The following CDH13 variants were observed in gnomAD, a reference collection of about 807,000 sequenced individuals.
CDH13 encodes the protein cadherin 13, also known as cadherin-13.
CDH13 carries 24 observed loss-of-function variants against 63.8 expected under a neutral mutation model. The ratio of observed to expected loss-of-function variants is 0.38; its 90% confidence interval spans 0.27 to 0.53. The LOEUF is 0.53. Ranked by LOEUF, CDH13 falls within the 20% of genes least tolerant of loss-of-function variation. The pLI, the probability that CDH13 is intolerant of heterozygous loss-of-function variation, is 0.85. For missense variants in CDH13, 1,049 were observed against 903.1 expected (o/e 1.16, Z -2.07); for synonymous variants, 503 against 355.3 (o/e 1.42, Z -4.67).
chr16:83,648,265 A>C (rs1912026978), intron 8 of CDH13, among the ~76,000 whole-genome samples: 1 of 152,136 alleles, frequency 6.6e-6, no homozygotes, highest in African/African-American at 2.4e-5. Flanking sequence ...ATGCAAGAAC[A>C]AGCCAGTGGG....
intron 6 of CDH13, among the ~76,000 whole-genome samples, chr16:83,405,631 A>G (rs576547871): frequency 1.3e-5 from 2 of 152,378 alleles, no homozygotes; most frequent in East Asian, 3.9e-4. Context: ...TTAAGCCACC[A>G]AATCTGTGAT....
At chr16:83,231,356 AATAG>A (rs1489977037) in intron 5 of CDH13, among the ~76,000 whole-genome samples, 1 of 152,164 alleles carries the variant, frequency 6.6e-6, no homozygotes, top group African/African-American at 2.4e-5. Context: ...TCTCCGAGGG[AATAG>A]ATAGGAGAAA....
At chr16:83,346,941 G>A (rs867960021) in intron 6 of CDH13, among the ~76,000 whole-genome samples, 48 of 152,234 alleles carry the variant, frequency 3.2e-4, no homozygotes, top group African/African-American at 1.1e-3. Context: ...AATACATAAA[G>A]ACTCAGGTGT....
chr16:82,992,510 G>T (rs1319897047), intron 2 of CDH13, among the ~76,000 whole-genome samples: 2 of 152,144 alleles, frequency 1.3e-5, no homozygotes, highest in Admixed American at 6.5e-5. Flanking sequence ...ATAGAATTCA[G>T]AACTTTAGAG....
At chr16:82,664,805 G>A (rs1325765638) in intron 1 of CDH13, among the ~76,000 whole-genome samples, 1 of 152,238 alleles carries the variant, frequency 6.6e-6, no homozygotes, top group Admixed American at 6.5e-5. Flanking sequence ...CAACATCAAC[G>A]TAACTTGTAT....
intron 7 of CDH13, among the ~76,000 whole-genome samples, chr16:83,504,409 A>C (rs900395630): frequency 6.6e-6 from 1 of 152,204 alleles, no homozygotes; most frequent in Admixed American, 6.5e-5. Flanking sequence ...CAACTTTCCT[A>C]TGAAAGAGAG....
intron 5 of CDH13, among the ~76,000 whole-genome samples, chr16:83,308,983 C>T (rs2089940898): frequency 6.6e-6 from 1 of 152,066 alleles, no homozygotes; most frequent in African/African-American, 2.4e-5. Context: ...GGGTTGGTTG[C>T]CGAGGGAAAT....
chr16:83,031,349 A>G (rs1916312623), intron 2 of CDH13, among the ~76,000 whole-genome samples: 2 of 143,286 alleles, frequency 1.4e-5, no homozygotes, highest in Non-Finnish European at 3.1e-5. Flanking sequence ...ATACACGTAT[A>G]TGGTATATAC....
chr16:83,004,965 C>G (rs545585913), intron 2 of CDH13, among the ~76,000 whole-genome samples: 1 of 152,320 alleles, frequency 6.6e-6, no homozygotes, highest in East Asian at 1.9e-4. Flanking sequence ...AGGAAACAGA[C>G]TGGGAGGAAC....
chr16:83,483,797 A>G (rs1419533592), intron 6 of CDH13, among the ~76,000 whole-genome samples: 1 of 152,162 alleles, frequency 6.6e-6, no homozygotes, highest in African/African-American at 2.4e-5. Flanking sequence ...TGCCTAGATC[A>G]GGAAGTTTAA....
intron 8 of CDH13, among the ~76,000 whole-genome samples, chr16:83,665,580 T>C (rs1913873090): frequency 6.6e-6 from 1 of 152,204 alleles, no homozygotes; most frequent in African/African-American, 2.4e-5. Flanking sequence ...GACCCTATAA[T>C]TTTTTTAAGC....
At chr16:83,055,686 C>G (rs985451655) in intron 3 of CDH13, among the ~76,000 whole-genome samples, 2 of 151,950 alleles carry the variant, frequency 1.3e-5, no homozygotes, top group African/African-American at 2.4e-5. Context: ...AGAAAATACA[C>G]TAATCTTATG....
chr16:83,383,232 G>GT (rs2091603620), intron 6 of CDH13: 1 of 152,208 alleles, frequency 6.6e-6, no homozygotes, highest in Non-Finnish European at 1.5e-5. Context: ...ATGATGCCAT[G>GT]TTATCAGTGT....
At chr16:83,375,877 G>A (rs2091451105) in intron 6 of CDH13, among the ~76,000 whole-genome samples, 1 of 152,148 alleles carries the variant, frequency 6.6e-6, no homozygotes, top group African/African-American at 2.4e-5. Flanking sequence ...GCAGGGAGTA[G>A]AAAGGGCTGG....
chr16:83,733,357 C>T (rs2150953695), intron 10 of CDH13, among the ~76,000 whole-genome samples: 1 of 152,296 alleles, frequency 6.6e-6, no homozygotes, highest in Middle Eastern at 3.4e-3. Flanking sequence ...TTCTGTCTCC[C>T]AGGGACCCTG....
chr16:83,405,779 C>T (rs1191940731), intron 6 of CDH13, among the ~76,000 whole-genome samples: 1 of 152,192 alleles, frequency 6.6e-6, no homozygotes, highest in African/African-American at 2.4e-5. Flanking sequence ...ATTCCTTTCT[C>T]CCAAATTAGG....
At chr16:83,088,090 T>C (rs1394626892) in intron 3 of CDH13, among the ~76,000 whole-genome samples, 2 of 150,568 alleles carry the variant, frequency 1.3e-5, no homozygotes, top group African/African-American at 4.8e-5. Flanking sequence ...TTAGAAATAT[T>C]TAGAATATTT....
At chr16:83,678,867 G>A (rs1277770451) in intron 10 of CDH13, among the ~76,000 whole-genome samples, 2 of 152,202 alleles carry the variant, frequency 1.3e-5, no homozygotes, top group African/African-American at 2.4e-5. Flanking sequence ...ACAGATACAG[G>A]TATTGTGGAT....
chr16:83,706,947 A>G (rs1412688299), intron 10 of CDH13, among the ~76,000 whole-genome samples: 2 of 152,126 alleles, frequency 1.3e-5, no homozygotes, highest in Non-Finnish European at 2.9e-5. Context: ...TCCCTTCACT[A>G]TAGGAGAGAG....
Sources: allele counts gnomAD v4.1 joint callset (sites outside exome capture counted in the v4.1 genomes callset), GRCh38; gene constraint gnomAD v4.1.1; transcripts MANE v1.5; gene names NCBI Gene and HGNC (gene_info 2026-07-23, HGNC 2026-07-21).